The following CSMD3 variants were observed in gnomAD, a reference collection of about 807,000 sequenced individuals.
CSMD3 encodes the protein CUB and Sushi multiple domains 3.
A neutral mutation model predicts 435.2 loss-of-function variants in CSMD3; 177 were observed. The observed-to-expected ratio is 0.41, with a 90% CI of 0.36 to 0.46. The LOEUF (loss-of-function observed/expected upper bound fraction) is 0.46. Among genes scored for constraint, CSMD3 ranks in the 20% least tolerant of loss-of-function variants. The pLI, the probability that CSMD3 is intolerant of heterozygous loss-of-function variation, is 0.34. For missense variants in CSMD3, 4,265 were observed against 4,504.6 expected (o/e 0.95, Z 1.52); for synonymous variants, 1,656 against 1,520.5 (o/e 1.09, Z -2.07).
chr8:112,274,294 C>A (rs889285334), intron 59 of CSMD3, among the ~76,000 whole-genome samples: 5 of 151,928 alleles, frequency 3.3e-5, no homozygotes, highest in African/African-American at 1.2e-4. Flanking sequence ...TCTTGAGTGA[C>A]AGGAAACAAA....
chr8:112,874,558 G>T (rs1269772637), intron 10 of CSMD3, among the ~76,000 whole-genome samples: 1 of 152,046 alleles, frequency 6.6e-6, no homozygotes, highest in Non-Finnish European at 1.5e-5. Flanking sequence ...GGGTCTCTAA[G>T]AACTTGTTTT....
chr8:113,031,501 G>T (rs2087108331), intron 5 of CSMD3, among the ~76,000 whole-genome samples: 1 of 151,532 alleles, frequency 6.6e-6, no homozygotes, highest in Non-Finnish European at 1.5e-5. Context: ...TGGTCAGTAG[G>T]TGTTATGGTG....
chr8:112,692,966 TATCTATC>T (rs1467881819), intron 13 of CSMD3, among the ~76,000 whole-genome samples: 19 of 134,156 alleles, frequency 1.4e-4, no homozygotes, highest in Admixed American at 1.3e-3. Context: ...TCTATCTATC[TATCTATC>T]GAGAGAAAAT....
chr8:112,386,700 T>C (rs1427595108), intron 36 of CSMD3, among the ~76,000 whole-genome samples: 1 of 152,144 alleles, frequency 6.6e-6, no homozygotes, highest in East Asian at 1.9e-4. Context: ...GGTTTCACTA[T>C]GTTAGCCAGG....
chr8:112,485,955 T>C (rs1820083371), intron 31 of CSMD3, among the ~76,000 whole-genome samples: 1 of 151,426 alleles, frequency 6.6e-6, no homozygotes, highest in Non-Finnish European at 1.5e-5. Flanking sequence ...TTTTTTTTTT[T>C]GCATAATCCA....
At position 112,641,721 on chromosome 8, in the gene CSMD3, C is replaced by T. The variant is rs535948262; in HGVS notation, c.3311-2810G>A. Among the ~76,000 whole-genome samples, 9 of 152,078 alleles carry T rather than the reference C, an allele frequency of 5.9e-5. No individual in the cohort carries two copies. In the South Asian group the frequency reaches 1.9e-3, roughly 32 times the overall value. On this transcript the variant is annotated intron_variant, in intron 20 of 70. Transcript: ENST00000297405. Reference sequence around the variant, plus strand: ...AGTGTGGTGGCATACACCTGTAGTCCCACCTACTCAGGAGGCTGAGGTGGG... The same window carrying T: ...AGTGTGGTGGCATACACCTGTAGTCTCACCTACTCAGGAGGCTGAGGTGGG...
At chr8:113,221,835 T>C (rs1465063234) in intron 3 of CSMD3, among the ~76,000 whole-genome samples, 2 of 151,308 alleles carry the variant, frequency 1.3e-5, no homozygotes, top group East Asian at 3.9e-4. Context: ...TTTATTTTCC[T>C]CAAAGCACTT....
At chr8:112,481,052 T>C (rs548394463) in intron 31 of CSMD3, among the ~76,000 whole-genome samples, 3 of 152,340 alleles carry the variant, frequency 2.0e-5, no homozygotes, top group East Asian at 3.9e-4. Context: ...GAATTATGTA[T>C]GCAATGATAC....
At chr8:112,525,368 T>C (rs1263183997) in intron 27 of CSMD3, among the ~76,000 whole-genome samples, 2 of 149,936 alleles carry the variant, frequency 1.3e-5, no homozygotes, top group Non-Finnish European at 3.0e-5. Context: ...ATATTAAATA[T>C]ACATTTTCTT....
At chr8:113,415,596 T>C (rs1415437209) in intron 1 of CSMD3, among the ~76,000 whole-genome samples, 4 of 152,158 alleles carry the variant, frequency 2.6e-5, no homozygotes, top group African/African-American at 9.6e-5. Context: ...AAAAATTTGG[T>C]GGATGTTGGC....
At chr8:112,474,982 G>A (rs1180005139) in intron 31 of CSMD3, among the ~76,000 whole-genome samples, 2 of 152,100 alleles carry the variant, frequency 1.3e-5, no homozygotes, top group African/African-American at 4.8e-5. Context: ...AGAGCAGTCA[G>A]GTGTTATTCT....
chr8:112,913,073 G>C (rs954314532), intron 10 of CSMD3, among the ~76,000 whole-genome samples: 1 of 151,824 alleles, frequency 6.6e-6, no homozygotes, highest in African/African-American at 2.4e-5. Context: ...CTCATCATTA[G>C]CCTTGTTTAC....
intron 32 of CSMD3, among the ~76,000 whole-genome samples, chr8:112,446,375 A>C (rs1204863082): frequency 6.6e-6 from 1 of 152,244 alleles, no homozygotes; most frequent in East Asian, 1.9e-4. Flanking sequence ...ATAATCAATC[A>C]CATTATATAG....
chr8:113,186,895 G>C (rs574268369), intron 3 of CSMD3, among the ~76,000 whole-genome samples: 4 of 151,890 alleles, frequency 2.6e-5, no homozygotes, highest in Non-Finnish European at 5.9e-5. Context: ...ACTCTACAGA[G>C]GGCTAGAAAA....
At chr8:112,690,210 T>C (rs984065729) in intron 13 of CSMD3, among the ~76,000 whole-genome samples, 160 bp from the exon 14 acceptor site, 1 of 151,758 alleles carries the variant, frequency 6.6e-6, no homozygotes, top group Non-Finnish European at 1.5e-5. Context: ...CTTACAGGCA[T>C]GATAAAATGA....
At chr8:112,390,894 C>T (rs1830357804) in intron 35 of CSMD3, 106 bp from the exon 36 acceptor site, 2 of 1,050,624 alleles carry the variant, frequency 1.9e-6, no homozygotes, top group Non-Finnish European at 2.9e-6. Flanking sequence ...ACTTGCAAAT[C>T]AAATCATACT....
At chr8:112,427,633 G>T (rs1361411431) in intron 32 of CSMD3, among the ~76,000 whole-genome samples, 1 of 152,128 alleles carries the variant, frequency 6.6e-6, no homozygotes, top group African/African-American at 2.4e-5. Context: ...CATATGTCTT[G>T]TCACCAAATT....
chr8:112,234,533 T>C, intron 67 of CSMD3, 56 bp from the exon 68 acceptor site: 1 of 907,210 alleles, frequency 1.1e-6, no homozygotes, highest in South Asian at 1.3e-5. Context: ...TTATACTTCA[T>C]TTTATTATCT....
intron 10 of CSMD3, among the ~76,000 whole-genome samples, chr8:112,921,016 C>T (rs985266591): frequency 1.3e-5 from 2 of 149,924 alleles, no homozygotes; most frequent in African/African-American, 4.9e-5. Context: ...CACACACACA[C>T]ACACACACAC....
Sources: allele counts gnomAD v4.1 joint callset (sites outside exome capture counted in the v4.1 genomes callset), GRCh38; gene constraint gnomAD v4.1.1; transcripts MANE v1.5; gene names NCBI Gene and HGNC (gene_info 2026-07-23, HGNC 2026-07-21).